Variants in PBX3 observed in about 807,000 individuals in gnomAD.
PBX3 encodes pre-B-cell leukemia transcription factor 3.
A neutral mutation model predicts 48.5 loss-of-function variants in PBX3; 14 were observed. The ratio of observed to expected loss-of-function variants is 0.29; its 90% CI spans 0.19 to 0.45. The LOEUF (loss-of-function observed/expected upper bound fraction) is 0.45. PBX3 is among the 20% of genes least tolerant of loss of function. PBX3 has a pLI of 1.00. For synonymous variants in PBX3, 210 were observed against 200.3 expected, an observed-to-expected ratio of 1.05 and a Z score of -0.41; for missense variants, 386 against 546.7, an observed-to-expected ratio of 0.71 and a Z score of 2.93.
intron 3 of PBX3, among the ~76,000 whole-genome samples, chr9:125,922,394 C>T (rs1031552176): frequency 1.3e-5 from 2 of 152,152 alleles, no homozygotes; most frequent in African/African-American, 2.4e-5. Flanking sequence ...TAGTTTTCAA[C>T]AGCTGGATTA....
At chr9:125,878,165 A>G (rs530988041) in intron 2 of PBX3, among the ~76,000 whole-genome samples, 1 of 152,252 alleles carries the variant, frequency 6.6e-6, no homozygotes, top group East Asian at 1.9e-4. Context: ...TTCTGGAGAG[A>G]AGTCATTAGT....
intron 2 of PBX3, among the ~76,000 whole-genome samples, chr9:125,771,028 C>G (rs185510119): frequency 6.6e-6 from 1 of 152,074 alleles, no homozygotes; most frequent in Admixed American, 6.6e-5. Context: ...TAGTCTAGGC[C>G]TTTTCTCATT....
intron 5 of PBX3, among the ~76,000 whole-genome samples, chr9:125,943,337 A>G (rs1010355986): frequency 9.2e-6 from 1 of 109,182 alleles, no homozygotes; most frequent in Non-Finnish European, 1.7e-5. Context: ...CTTGGGCTGC[A>G]GAGTGAGACT....
intron 2 of PBX3, among the ~76,000 whole-genome samples, chr9:125,859,396 TACTGCAAGGCCTCCAATGGGTGGG>T (rs1471644661): frequency 6.6e-6 from 1 of 152,232 alleles, no homozygotes; most frequent in African/African-American, 2.4e-5. Flanking sequence ...AGAACATTGC[TACTGCAAGGCCTCCAATGGGTGGG>T]ACTGCAAACT....
intron 2 of PBX3, among the ~76,000 whole-genome samples, chr9:125,817,089 C>T (rs1195303572): frequency 6.6e-6 from 1 of 152,064 alleles, no homozygotes; most frequent in Non-Finnish European, 1.5e-5. Flanking sequence ...AGTCATGAAA[C>T]TAGAGTGAAG....
intron 2 of PBX3, among the ~76,000 whole-genome samples, chr9:125,861,121 A>G (rs2132289498): frequency 6.6e-6 from 1 of 151,130 alleles, no homozygotes; most frequent in South Asian, 2.1e-4. Context: ...CCTGGTCTCT[A>G]CTCCCCTCCC....
chr9:125,908,010 A>G (rs1308267228), intron 2 of PBX3, among the ~76,000 whole-genome samples: 3 of 152,140 alleles, frequency 2.0e-5, no homozygotes, highest in Non-Finnish European at 4.4e-5. Flanking sequence ...TGTATGCTCA[A>G]TGTGTTTGAA....
intron 2 of PBX3, among the ~76,000 whole-genome samples, chr9:125,822,418 T>G (rs1338716154): frequency 6.6e-6 from 1 of 152,178 alleles, no homozygotes; most frequent in Admixed American, 6.5e-5. Context: ...AGATCTTTAC[T>G]GATGACTGAA....
chr9:125,785,670 C>G (rs554458893), intron 2 of PBX3, among the ~76,000 whole-genome samples: 24 of 152,328 alleles, frequency 1.6e-4, no homozygotes, highest in African/African-American at 5.8e-4. Flanking sequence ...TCAATTCTCC[C>G]TAATAAATTC....
intron 5 of PBX3, among the ~76,000 whole-genome samples, chr9:125,942,615 G>A (rs1841979892): frequency 6.6e-6 from 1 of 152,200 alleles, no homozygotes; most frequent in Non-Finnish European, 1.5e-5. Flanking sequence ...TGCTTTGGCA[G>A]TAGACAGAAG....
intron 2 of PBX3, among the ~76,000 whole-genome samples, chr9:125,820,535 A>T (rs1181655261): frequency 6.6e-6 from 1 of 152,258 alleles, no homozygotes; most frequent in African/African-American, 2.4e-5. Flanking sequence ...TTGTGACAAC[A>T]CATCAAAATA....
intron 2 of PBX3, among the ~76,000 whole-genome samples, chr9:125,812,879 A>G (rs1186898988): frequency 1.3e-5 from 2 of 152,346 alleles, no homozygotes; most frequent in African/African-American, 2.4e-5. Context: ...TAGAGTAACA[A>G]TATGGTGTAA....
intron 2 of PBX3, among the ~76,000 whole-genome samples, chr9:125,862,528 A>G (rs568460241): frequency 1.9e-4 from 29 of 152,196 alleles, no homozygotes; most frequent in Admixed American, 1.8e-3. Flanking sequence ...CTAGGATTGC[A>G]GGAGTGTGCC....
intron 2 of PBX3, among the ~76,000 whole-genome samples, chr9:125,749,930 T>C (rs966973354): frequency 6.6e-6 from 1 of 152,234 alleles, no homozygotes; most frequent in Non-Finnish European, 1.5e-5. Context: ...CATTCACATA[T>C]TATGGCTGGT....
chr9:125,924,400 T>C (rs1841524865), intron 3 of PBX3, among the ~76,000 whole-genome samples: 1 of 152,212 alleles, frequency 6.6e-6, no homozygotes, highest in Non-Finnish European at 1.5e-5. Context: ...GATATGTCAT[T>C]GCAAAAGAGA....
chr9:125,800,551 C>T (rs746432735), intron 2 of PBX3, among the ~76,000 whole-genome samples: 2 of 152,028 alleles, frequency 1.3e-5, no homozygotes, highest in African/African-American at 2.4e-5. Context: ...TCAACATAAA[C>T]GAGCATTATC....
intron 2 of PBX3, among the ~76,000 whole-genome samples, chr9:125,781,636 A>G (rs1239977877): frequency 3.3e-5 from 5 of 151,922 alleles, no homozygotes; most frequent in Non-Finnish European, 7.4e-5. Flanking sequence ...GATCTTTTCA[A>G]AGAAACAAAT....
At chr9:125,872,938 G>A (rs923694444) in intron 2 of PBX3, among the ~76,000 whole-genome samples, 5 of 151,340 alleles carry the variant, frequency 3.3e-5, no homozygotes, top group Admixed American at 2.6e-4. Context: ...GGTGGCTCAC[G>A]TCTGTAATCC....
At chr9:125,949,438 G>A (rs980073368) in intron 5 of PBX3, 60 of 1,550,578 alleles carry the variant, frequency 3.9e-5, no homozygotes, top group African/African-American at 4.1e-5. Flanking sequence ...GCCAACTAGC[G>A]TGGTAAGTAT....
Sources: allele counts gnomAD v4.1 joint callset (sites outside exome capture counted in the v4.1 genomes callset), GRCh38; gene constraint gnomAD v4.1.1; transcripts MANE v1.5; gene names NCBI Gene and HGNC (gene_info 2026-07-23, HGNC 2026-07-21).